ALPK2: variants seen among roughly 807,000 people sequenced by gnomAD.
ALPK2 encodes the protein alpha kinase 2.
Under a neutral mutation model 163.1 loss-of-function variants are expected in ALPK2, and 127 were observed. That is an observed-to-expected ratio of 0.78 (90% confidence interval 0.67 to 0.90). ALPK2 has a LOEUF of 0.90. Ranked by LOEUF, ALPK2 falls within the 40% of genes least tolerant of loss-of-function variation. The pLI, the probability that ALPK2 is intolerant of heterozygous loss-of-function variation, is 0.00. For missense variants in ALPK2, 2,360 were observed against 2,589.6 expected (o/e 0.91, Z 1.92); for synonymous variants, 953 against 959.1 (o/e 0.99, Z 0.12).
At chr18:58,523,367 A>G (rs1426481648) in intron 8 of ALPK2, among the ~76,000 whole-genome samples, 9 of 152,112 alleles carry the variant, frequency 5.9e-5, no homozygotes, top group Admixed American at 4.6e-4. Flanking sequence ...TAGTGCCTCA[A>G]TAAACATACG....
At chr18:58,612,615 G>C (rs1160231664) in intron 1 of ALPK2, among the ~76,000 whole-genome samples, 1 of 152,234 alleles carries the variant, frequency 6.6e-6, no homozygotes, top group Non-Finnish European at 1.5e-5. Context: ...GTCCTTCAGG[G>C]CTGTGCAGGC....
chr18:58,492,559 C>T (rs969604878), intron 12 of ALPK2, among the ~76,000 whole-genome samples: 1 of 152,198 alleles, frequency 6.6e-6, no homozygotes, highest in African/African-American at 2.4e-5. Context: ...CTGTACCTGC[C>T]TCGTGCTTCT....
At chr18:58,578,734 A>ACACACACACACGCGCGCGCGCG (rs1555673972) in intron 4 of ALPK2, 80 bp downstream of exon 4, 96 of 396,648 alleles carry the variant, frequency 2.4e-4, no homozygotes, top group Non-Finnish European at 2.4e-4. Flanking sequence ...AAAGGAAGAG[A>ACACACACACACGCGCGCGCGCG]CACACACACA....
At position 58,573,226 on chromosome 18, in the gene ALPK2, G is replaced by GTATGTATGTA. The variant is rs1602224189; in HGVS notation, c.1962+5587_1962+5588insTACATACATA. Reference sequence around the variant, plus strand: ...TATGTGTATATATGTATATATATGTGTATATGTGTGTATATATGTGTATAT... The same window carrying GTATGTATGTA: ...TATGTGTATATATGTATATATATGTGTATGTATGTATATATGTGTGTATATATGTGTATAT... On this transcript the variant is annotated intron_variant, in intron 4 of 12. Coordinates refer to ENST00000361673, the MANE Select transcript of ALPK2 (RefSeq NM_052947.4). Among the ~76,000 whole-genome samples the GTATGTATGTA allele has an allele frequency of 2.2e-5, 3 of 139,472 alleles. 1 individual carries two copies. The highest frequency in any genetic ancestry group is 1.4e-4 in the Admixed American group (2 of 14,054). 91.5% of individuals were successfully genotyped at this position (139,472 alleles called of 152,430 possible).
At chr18:58,601,569 C>T (rs73961642) in intron 3 of ALPK2, among the ~76,000 whole-genome samples, 7,085 of 152,220 alleles carry the variant, frequency 0.047, 358 homozygotes, top group African/African-American at 0.12. Context: ...GCTCCGTGAC[C>T]TTGGAATGCT....
At chr18:58,506,363 T>TA (rs373086475) in intron 10 of ALPK2, among the ~76,000 whole-genome samples, 2,114 of 134,152 alleles carry the variant, frequency 0.016, 33 homozygotes, top group African/African-American at 0.052. Context: ...CCCATGAATC[T>TA]AAAAAAAAAA....
In ALPK2 at chr18:58,538,135, A is replaced by G. The variant is rs775656471; in HGVS notation, c.2052T>C (p.Thr684=). The G allele has an allele frequency of 6.2e-6, 10 of 1,614,100 alleles. No individual in the cohort carries two copies. The highest frequency in any genetic ancestry group is 1.7e-6 in the Non-Finnish European group (2 of 1,180,022). Residue 684 remains threonine (T), a synonymous_variant, in exon 5 of 13, where the codon ACT becomes ACC. Transcript: ENST00000361673. ...TTGAGAAGGAAATTGTTGTGGTCCCAGTGAATGGGGACTCCTCCCCAGCAG... is the reference window on the plus strand; with the variant it reads ...TTGAGAAGGAAATTGTTGTGGTCCCGGTGAATGGGGACTCCTCCCCAGCAG... ...SEPAGEESPF[T]GTTTISFSNL...
intron 4 of ALPK2, among the ~76,000 whole-genome samples, chr18:58,550,719 G>T (rs1196309885): frequency 2.1e-5 from 1 of 47,432 alleles, no homozygotes; most frequent in African/African-American, 8.5e-5. Context: ...CTTCCATCAC[G>T]TACAACCCCA....
intron 9 of ALPK2, 83 bp downstream of exon 9, chr18:58,516,825 C>A: frequency 1.4e-6 from 2 of 1,474,862 alleles, no homozygotes; most frequent in Non-Finnish European, 1.9e-6. Flanking sequence ...ATATTCCCAT[C>A]AATCCTGAGT....
chr18:58,554,213 C>T lies in ALPK2; in HGVS notation c.1963-15989G>A, dbSNP rs114226553. Reference sequence around the variant, plus strand: ...ACAGACTAATACAAACGTGTTAGCTCAGCTATCGTCTTTGGGGCTGGAATG... The same window carrying T: ...ACAGACTAATACAAACGTGTTAGCTTAGCTATCGTCTTTGGGGCTGGAATG... On this transcript the variant is annotated intron_variant, in intron 4 of 12. Coordinates refer to ENST00000361673, the MANE Select transcript of ALPK2 (RefSeq NM_052947.4). Among the ~76,000 whole-genome samples the T allele has an allele frequency of 4.6e-3, 697 of 152,258 alleles. 8 individuals are homozygous for T. The highest frequency in any genetic ancestry group is 0.015 in the African/African-American group (642 of 41,546).
chr18:58,533,785 A>G (rs2051628568), intron 5 of ALPK2, among the ~76,000 whole-genome samples: 1 of 152,148 alleles, frequency 6.6e-6, no homozygotes, highest in African/African-American at 2.4e-5. Context: ...TAAAATATAG[A>G]TACTAATAAC....
Position 58,579,720 on chromosome 18 carries a change from C to A in ALPK2, c.1056G>T (p.Glu352Asp), listed in dbSNP as rs1219170707. ...CATCGCTTTCTAATAAAAAAACATGCTCAGTCCCCAGCAGGTTCCTTTGCC... is the reference window on the plus strand; with the variant it reads ...CATCGCTTTCTAATAAAAAAACATGATCAGTCCCCAGCAGGTTCCTTTGCC... Reference protein sequence around the residue: ...AVWQRNLLGTEHVFLLESDDE... With the variant: ...AVWQRNLLGTDHVFLLESDDE... Residue 352 changes from glutamate to aspartate, a missense_variant, in exon 4 of 13, where the codon GAG becomes GAT. Transcript: ENST00000361673. 6.2e-7 allele frequency: 1 copy of A among 1,614,194 alleles called. No homozygotes were observed. The highest frequency in any genetic ancestry group is 8.5e-7 in the Non-Finnish European group (1 of 1,180,024).
intron 4 of ALPK2, among the ~76,000 whole-genome samples, chr18:58,573,490 G>T (rs9967530): frequency 0.16 from 23,342 of 147,274 alleles, 2,110 homozygotes; most frequent in African/African-American, 0.22. Flanking sequence ...CGAGTCCAAC[G>T]GCCTTGGATT....
At chr18:58,516,032 AC>A (rs2051519468) in intron 9 of ALPK2, among the ~76,000 whole-genome samples, 1 of 152,046 alleles carries the variant, frequency 6.6e-6, no homozygotes, top group African/African-American at 2.4e-5. Flanking sequence ...AGCCTGGGCA[AC>A]ATAGGGAGAC....
intron 3 of ALPK2, among the ~76,000 whole-genome samples, chr18:58,594,954 C>G (rs1181152926): frequency 6.6e-6 from 1 of 152,192 alleles, no homozygotes; most frequent in Non-Finnish European, 1.5e-5. Context: ...AGATAAGAGT[C>G]ATCCTTTTAC....
chr18:58,535,408 A>G lies in ALPK2; in HGVS notation c.4779T>C (p.Asn1593=). ...AAGAGGGCAAAGGTTTCCCACGCTC[A>G]TTCTCAATAGTTCCCCTTTTCTGTG... The part of the protein sequence containing the change: ...PVSQKRGTIE[N]ERGKPLPSSP... Residue 1593 remains asparagine (N), a synonymous_variant, in exon 5 of 13, where the codon AAT becomes AAC. Coordinates refer to ENST00000361673, the MANE Select transcript of ALPK2 (RefSeq NM_052947.4). The G allele has an allele frequency of 2.5e-6, 4 of 1,614,202 alleles. No individual in the cohort carries two copies. Among genetic ancestry groups the G allele is most frequent in the Non-Finnish European group, 3.4e-6 (4 of 1,180,022 alleles).
At chr18:58,583,056 A>C (rs920830424) in intron 3 of ALPK2, among the ~76,000 whole-genome samples, 1 of 152,244 alleles carries the variant, frequency 6.6e-6, no homozygotes, top group Non-Finnish European at 1.5e-5. Flanking sequence ...AAAGACCTGG[A>C]AAGGGAAGGA....
chr18:58,531,972 T>C (rs1197057450), intron 5 of ALPK2, among the ~76,000 whole-genome samples: 1 of 143,836 alleles, frequency 7.0e-6, no homozygotes, highest in Non-Finnish European at 1.5e-5. Context: ...AAATAGGCTG[T>C]TGTCAAGGGC....
rs1451291968 is a variant in ALPK2, at chr18:58,537,923, A to T, written c.2264T>A (p.Val755Glu). ...EANDETMSPG[V>E]FSRHLPKDAR... The stretch of plus-strand genomic sequence containing the variant: ...ATCCTTGGGGAGATGCCTTGAGAAC[A>T]CACCTGGGGACATAGTCTCATCATT... Residue 755 changes from valine (V) to glutamate (E), a missense_variant, in exon 5 of 13, where the codon GTG (valine) becomes GAG (glutamate). Coordinates refer to ENST00000361673, the MANE Select transcript of ALPK2 (RefSeq NM_052947.4). The T allele has an allele frequency of 1.9e-6, 3 of 1,614,184 alleles. No homozygotes were observed. Among genetic ancestry groups the T allele is most frequent in the Non-Finnish European group, 1.7e-6 (2 of 1,180,028 alleles).
Sources: allele counts gnomAD v4.1 joint callset (sites outside exome capture counted in the v4.1 genomes callset), GRCh38; gene constraint gnomAD v4.1.1; transcripts MANE v1.5; gene names NCBI Gene and HGNC (gene_info 2026-07-23, HGNC 2026-07-21).